The following THSD7B variants were observed in gnomAD, a reference collection of about 807,000 sequenced individuals.
THSD7B encodes thrombospondin type-1 domain-containing protein 7B.
In THSD7B, 138 loss-of-function variants were observed where a neutral mutation model predicts 213.6. The observed-to-expected ratio is 0.65, with a 90% CI of 0.56 to 0.74. The LOEUF is 0.74. THSD7B is among the 30% of genes least tolerant of loss of function. The probability of loss-of-function intolerance (pLI) is 0.00; values close to 1 mark genes in which losing one functional copy is unlikely to be tolerated. For missense variants in THSD7B, 1,931 were observed against 1,991.5 expected, an observed-to-expected ratio of 0.97 and a Z score of 0.58; for synonymous variants, 742 against 687.0, an observed-to-expected ratio of 1.08 and a Z score of -1.25.
intron 13 of THSD7B, among the ~76,000 whole-genome samples, chr2:137,409,557 T>A (rs1313827771): frequency 6.6e-6 from 1 of 152,200 alleles, no homozygotes; most frequent in Non-Finnish European, 1.5e-5. Context: ...CAAGAAATCT[T>A]GGATGAAGAC....
intron 12 of THSD7B, among the ~76,000 whole-genome samples, chr2:137,381,620 C>T (rs1685778257): frequency 6.6e-6 from 1 of 152,138 alleles, no homozygotes; most frequent in South Asian, 2.1e-4. Context: ...CGGGGGCCTC[C>T]CCAGTGAGAG....
intron 14 of THSD7B, among the ~76,000 whole-genome samples, chr2:137,413,624 GGT>G (rs1370900700): frequency 6.6e-6 from 1 of 152,164 alleles, no homozygotes; most frequent in Admixed American, 6.5e-5. Context: ...AGCTAGGAAA[GGT>G]GTTTTGGATA....
Position 137,272,665 on chromosome 2 carries a change from A to G in THSD7B, c.2396+3A>G. The G allele has an allele frequency of 6.2e-7, 1 of 1,610,612 alleles. No individual in the cohort carries two copies. Among genetic ancestry groups the G allele is most frequent in the African/African-American group, 1.3e-5 (1 of 74,890 alleles). ...GTTTCCTTGTGTCCTGTATATCGGC[A>G]AGTAGTTACCTTTTAAAATTATCGT... On this transcript the variant is annotated splice_donor_region_variant and intron_variant, in intron 11 of 27. Transcript: ENST00000409968.
chr2:137,224,710 C>T (rs760842779), intron 7 of THSD7B, among the ~76,000 whole-genome samples: 1 of 152,050 alleles, frequency 6.6e-6, no homozygotes, highest in East Asian at 1.9e-4. Flanking sequence ...CTCGCTCTGT[C>T]GCCCAGGCTG....
intron 15 of THSD7B, among the ~76,000 whole-genome samples, chr2:137,550,327 G>A (rs1029975832): frequency 6.6e-6 from 1 of 151,988 alleles, no homozygotes; most frequent in Non-Finnish European, 1.5e-5. Flanking sequence ...TATAGGATCT[G>A]CACAACAATA....
At chr2:137,600,114 C>T (rs555157537) in intron 17 of THSD7B, among the ~76,000 whole-genome samples, 186 of 152,210 alleles carry the variant, frequency 1.2e-3, no homozygotes, top group African/African-American at 3.2e-3. Flanking sequence ...CATGCACACA[C>T]GCACACAGAG....
chr2:137,467,274 G>A (rs1688014517), intron 15 of THSD7B, among the ~76,000 whole-genome samples: 1 of 152,186 alleles, frequency 6.6e-6, no homozygotes, highest in African/African-American at 2.4e-5. Context: ...CCTAGGCTCT[G>A]TGGGGTGGTG....
intron 3 of THSD7B, among the ~76,000 whole-genome samples, chr2:137,075,692 C>G (rs1687606346): frequency 6.6e-6 from 1 of 152,150 alleles, no homozygotes; most frequent in African/African-American, 2.4e-5. Flanking sequence ...TTTTTCTGCT[C>G]TGTGTTTTTC....
chr2:136,948,630 G>A (rs972067933), intron 2 of THSD7B, among the ~76,000 whole-genome samples: 1 of 152,132 alleles, frequency 6.6e-6, no homozygotes, highest in Non-Finnish European at 1.5e-5. Flanking sequence ...ATATACATAT[G>A]TAAGATATGT....
In THSD7B at chr2:136,828,115, T is replaced by G. The variant is rs75978421; in HGVS notation, c.-35-54029T>G. On this transcript the variant is annotated intron_variant, in intron 1 of 27. Coordinates refer to ENST00000409968, the MANE Select transcript of THSD7B (RefSeq NM_001316349.2). ...TTTTGTTCTCCAGCCCTCATTCCAC[T>G]CTTATCTGCCACCTGACCCCACATG... 4.8e-3 allele frequency among the ~76,000 whole-genome samples: 734 copies of G among 152,238 alleles called. 13 individuals are homozygous for G. Among genetic ancestry groups the G allele is most frequent in the African/African-American group, 0.017 (701 of 41,538 alleles).
intron 2 of THSD7B, among the ~76,000 whole-genome samples, chr2:136,895,660 T>A (rs555961082): frequency 3.3e-5 from 5 of 151,934 alleles, no homozygotes; most frequent in Admixed American, 6.6e-5. Flanking sequence ...TTAAAATGTA[T>A]AATTCAAACT....
chr2:137,036,393 T>A (rs1476706366), intron 2 of THSD7B, among the ~76,000 whole-genome samples: 1 of 152,220 alleles, frequency 6.6e-6, no homozygotes, highest in Non-Finnish European at 1.5e-5. Context: ...AATGGAAATA[T>A]TCATTTCTCC....
In THSD7B at chr2:137,594,264, G is replaced by C. The variant is rs182370378; in HGVS notation, c.3423+21708G>C. ...GCTACAGGCTGTCTGTTTGGGGTTG[G>C]GGATTAAATCTTCCAGGCACTTTTG... is the stretch of plus-strand genomic sequence containing the variant. On this transcript the variant is annotated intron_variant, in intron 17 of 27. Coordinates refer to ENST00000409968, the MANE Select transcript of THSD7B (RefSeq NM_001316349.2). 2.0e-5 allele frequency among the ~76,000 whole-genome samples: 3 copies of C among 151,972 alleles called. No homozygotes were observed. In the East Asian group the frequency reaches 5.8e-4, roughly 29 times the overall value.
chr2:137,185,434 C>T (rs1476029032), intron 7 of THSD7B, among the ~76,000 whole-genome samples: 1 of 152,030 alleles, frequency 6.6e-6, no homozygotes. Flanking sequence ...CTATTGTTCT[C>T]ATATTTATGT....
At chr2:136,924,079 A>G (rs1684482399) in intron 2 of THSD7B, among the ~76,000 whole-genome samples, 1 of 152,126 alleles carries the variant, frequency 6.6e-6, no homozygotes, top group South Asian at 2.1e-4. Flanking sequence ...GGAGTTTTAT[A>G]GTTTTAACTC....
intron 20 of THSD7B, among the ~76,000 whole-genome samples, chr2:137,639,849 T>C (rs1682904904): frequency 6.6e-6 from 1 of 152,200 alleles, no homozygotes; most frequent in Non-Finnish European, 1.5e-5. Context: ...GGCTGTATTT[T>C]TCCAATACCT....
intron 1 of THSD7B, among the ~76,000 whole-genome samples, chr2:136,788,103 C>T (rs1681901940): frequency 6.6e-6 from 1 of 152,168 alleles, no homozygotes; most frequent in South Asian, 2.1e-4. Context: ...TAAGAAATTT[C>T]AAGCCTGTGT....
At chr2:136,797,120 T>G (rs1259237161) in intron 1 of THSD7B, among the ~76,000 whole-genome samples, 3 of 151,928 alleles carry the variant, frequency 2.0e-5, no homozygotes, top group Non-Finnish European at 4.4e-5. Flanking sequence ...TTTGTTCACT[T>G]GGGGACTTTT....
intron 3 of THSD7B, among the ~76,000 whole-genome samples, chr2:137,066,474 G>A (rs982869690): frequency 2.0e-5 from 3 of 152,006 alleles, no homozygotes; most frequent in African/African-American, 4.8e-5. Context: ...GATTACAGGC[G>A]TGAGCCACTG....
Sources: allele counts gnomAD v4.1 joint callset (sites outside exome capture counted in the v4.1 genomes callset), GRCh38; gene constraint gnomAD v4.1.1; transcripts MANE v1.5; gene names NCBI Gene and HGNC (gene_info 2026-07-23, HGNC 2026-07-21).